The following MGA variants were observed in gnomAD, a reference collection of about 807,000 sequenced individuals.
MGA encodes the protein MAX gene-associated protein.
In MGA, 40 loss-of-function variants were observed where a neutral mutation model predicts 261.1. The ratio of observed to expected loss-of-function variants is 0.15; its 90% CI spans 0.12 to 0.20. The LOEUF (loss-of-function observed/expected upper bound fraction) is 0.20. Among genes scored for constraint, MGA ranks in the 10% least tolerant of loss-of-function variants. MGA has a pLI of 1.00. For synonymous variants in MGA, 1,302 were observed against 1,290.6 expected, an observed-to-expected ratio of 1.01 and a Z score of -0.19; for missense variants, 3,397 against 3,630.5, an observed-to-expected ratio of 0.94 and a Z score of 1.65.
upstream of MGA, among the ~76,000 whole-genome samples, chr15:41,655,741 A>G (rs1405909725): frequency 1.3e-5 from 2 of 152,198 alleles, no homozygotes; most frequent in East Asian, 1.9e-4. Context: ...ACATTTATCT[A>G]TTCCCCTAAA....
At chr15:41,762,581 C>G (rs963927909) in intron 22 of MGA, among the ~76,000 whole-genome samples, 1 of 141,858 alleles carries the variant, frequency 7.0e-6, no homozygotes, top group African/African-American at 2.6e-5. Context: ...CGATTATCTG[C>G]TTCAGCCTCC....
chr15:41,700,860 T>A (rs1378637288), intron 5 of MGA, among the ~76,000 whole-genome samples: 1 of 152,114 alleles, frequency 6.6e-6, no homozygotes, highest in East Asian at 1.9e-4. Flanking sequence ...CTATTTACAC[T>A]ATAAGTAGTT....
chr15:41,675,375 CCTTT>C (rs1365333582), intron 2 of MGA, among the ~76,000 whole-genome samples: 1 of 150,992 alleles, frequency 6.6e-6, no homozygotes, highest in Non-Finnish European at 1.5e-5. Flanking sequence ...TTTTTTTTCC[CCTTT>C]CTTTTTTTTT....
In MGA at chr15:41,653,712, T is replaced by A. The variant is rs1404567783; in HGVS notation, c.-67-15116T>A. On this transcript the variant is annotated intron_variant, in intron 1 of 8. Transcript: ENST00000566718. ...GGGAGACAGAGTGAGACCCCATCTC[T>A]TAAAAAAAAAAAAAAAGAAAAAAAA... 5.0e-4 allele frequency among the ~76,000 whole-genome samples: 74 copies of A among 148,120 alleles called. 1 individual carries two copies. The highest frequency in any genetic ancestry group is 1.3e-4 in the Non-Finnish European group (9 of 67,198).
intron 2 of MGA, 109 bp from the exon 3 acceptor site, chr15:41,695,966 A>T: frequency 1.2e-6 from 1 of 820,060 alleles, no homozygotes; most frequent in Non-Finnish European, 1.9e-6. Context: ...TGGCTCAGGA[A>T]ATCTGATGTG....
Position 41,762,461 on chromosome 15 carries a change from GTTTTTTTTTTT to G in MGA, c.7744+119_7744+129del, listed in dbSNP as rs34069193. 2.4e-3 allele frequency: 336 copies of G among 138,424 alleles called. 1 individual carries two copies. The highest frequency in any genetic ancestry group is 9.5e-3 in the East Asian group (26 of 2,746). The allele number at this position is 138,424 out of a possible 1,614,324, so 8.6% of individuals were successfully genotyped here. On this transcript the variant is annotated intron_variant, in intron 22 of 23. Coordinates refer to ENST00000219905, the MANE Select transcript of MGA (RefSeq NM_001164273.2). ...TTGTCCACATTTTTAGTTTTGTGTG[GTTTTTTTTTTT>G]TTTTTTTTTTTTTTTTTTTGGAGAC...
chr15:41,749,610 A>G lies in MGA; in HGVS notation c.6003A>G (p.Val2001=). Residue 2001 remains valine, a synonymous_variant, in exon 17 of 24, where the codon GTA becomes GTG. Coordinates refer to ENST00000219905, the MANE Select transcript of MGA (RefSeq NM_001164273.2). ...TTCTACAGTCAGAAGGAGAGGCTGT[A>G]GACCCTGAGGCTAATGTAATAAAAC... The G allele has an allele frequency of 6.2e-7, 1 of 1,613,574 alleles. No homozygotes were observed. The highest frequency in any genetic ancestry group is 8.5e-7 in the Non-Finnish European group (1 of 1,179,572).
intron 9 of MGA, among the ~76,000 whole-genome samples, chr15:41,714,109 G>A (rs1242401269): frequency 1.3e-5 from 2 of 152,038 alleles, no homozygotes; most frequent in African/African-American, 2.4e-5. Context: ...TGATTTTACC[G>A]TATAATTGAA....
intron 2 of MGA, among the ~76,000 whole-genome samples, chr15:41,693,191 G>A (rs2059380917): frequency 6.6e-6 from 1 of 151,816 alleles, no homozygotes; most frequent in African/African-American, 2.4e-5. Flanking sequence ...AAGTTTTAGG[G>A]TACATGTGCA....
intron 1 of MGA, among the ~76,000 whole-genome samples, chr15:41,643,555 A>T (rs565750041): frequency 1.3e-5 from 2 of 152,020 alleles, no homozygotes; most frequent in African/African-American, 2.4e-5. Context: ...TCCCATTTTT[A>T]AAGTGATTTT....
Position 41,750,057 on chromosome 15 carries a change from G to A in MGA, c.6450G>A (p.Gln2150=). 6.2e-7 allele frequency: 1 copy of A among 1,613,326 alleles called. No homozygotes were observed. The highest frequency in any genetic ancestry group is 8.5e-7 in the Non-Finnish European group (1 of 1,179,654). Residue 2150 remains glutamine (Q), a synonymous_variant, in exon 17 of 24, where the codon CAG becomes CAA. Transcript: ENST00000219905. ...TGTCAGGAAGCAAAGTTATGGAGCAGCAATCTAATCTACAGCCAGAGGCCA... is the reference window on the plus strand; with the variant it reads ...TGTCAGGAAGCAAAGTTATGGAGCAACAATCTAATCTACAGCCAGAGGCCA...
intron 17 of MGA, 142 bp from the exon 18 acceptor site, chr15:41,754,295 T>C: frequency 1.5e-6 from 1 of 668,016 alleles, no homozygotes; most frequent in Non-Finnish European, 2.4e-6. Context: ...TTATTATGAC[T>C]AACAATCTTA....
At position 41,736,326 on chromosome 15, in the gene MGA, C is replaced by G; in HGVS notation, c.4062C>G (p.Ile1354Met). 1.2e-6 allele frequency: 2 copies of G among 1,614,002 alleles called. No individual in the cohort carries two copies. The highest frequency in any genetic ancestry group is 1.7e-6 in the Non-Finnish European group (2 of 1,179,896). Residue 1354 changes from isoleucine (I) to methionine (M), a missense_variant, in exon 13 of 24, where the codon ATC (isoleucine) becomes ATG (methionine). Around this residue, in one of 9 missense-constraint regions of MGA, gnomAD observed 1,410 missense variants for 1,386.4 expected, o/e 1.02. Coordinates refer to ENST00000219905, the MANE Select transcript of MGA (RefSeq NM_001164273.2). ...AAGATCGGAACAAGATTTTGAGCATCTTATCCCAGCACATCAATAGCAACA... is the reference window on the plus strand; with the variant it reads ...AAGATCGGAACAAGATTTTGAGCATGTTATCCCAGCACATCAATAGCAACA...
At chr15:41,639,648 C>A (rs1298528231) in intron 1 of MGA, among the ~76,000 whole-genome samples, 2 of 151,970 alleles carry the variant, frequency 1.3e-5, no homozygotes, top group African/African-American at 4.8e-5. Flanking sequence ...AGGTTCACAC[C>A]ATTCCCCTGC....
At chr15:41,681,020 G>A (rs1410298134) in intron 2 of MGA, among the ~76,000 whole-genome samples, 3 of 152,122 alleles carry the variant, frequency 2.0e-5, no homozygotes, top group Non-Finnish European at 4.4e-5. Flanking sequence ...GAGCCAGTGG[G>A]TTCATGAATG....
At chr15:41,686,893 ATTTTTGCACCAAATTCATGTGGGATAT>A (rs1283908832) in intron 2 of MGA, among the ~76,000 whole-genome samples, 1 of 152,066 alleles carries the variant, frequency 6.6e-6, no homozygotes, top group Non-Finnish European at 1.5e-5. Flanking sequence ...TTTATTGAGG[ATTTTTGCACCAAATTCATGTGGGATAT>A]TTGTTTATAG....
In MGA at chr15:41,713,769, G is replaced by A. The variant is rs1595834438; in HGVS notation, c.3430+273G>A. On this transcript the variant is annotated intron_variant, in intron 9 of 23. Transcript: ENST00000219905. ...TTTCTAGAATGCCCTTGATCTTTGA[G>A]TTTCTTCCATTTTCTGGATTGTGCG... is the stretch of plus-strand genomic sequence containing the variant. 2.6e-5 allele frequency among the ~76,000 whole-genome samples: 4 copies of A among 152,226 alleles called. No homozygotes were observed. In the South Asian group the frequency reaches 8.3e-4, roughly 32 times the overall value.
At chr15:41,684,657 C>A in intron 2 of MGA, 2 of 179,994 alleles carry the variant, frequency 1.1e-5, no homozygotes, top group Admixed American at 5.8e-5. Flanking sequence ...ATGTTGTGTG[C>A]TAAATGAAAA....
chr15:41,726,744 A>T (rs1379667232), intron 9 of MGA, among the ~76,000 whole-genome samples: 2 of 144,890 alleles, frequency 1.4e-5, no homozygotes, highest in African/African-American at 5.0e-5. Flanking sequence ...AAAAAAAAAA[A>T]ATTTTTTTTC....
Sources: gnomAD v4.1 joint callset for allele counts (sites outside exome capture counted in the v4.1 genomes callset) on GRCh38, gnomAD v4.1.1 for gene constraint, gnomAD v4.1.1 regional missense constraint, MANE v1.5 for transcripts, NCBI Gene and HGNC (gene_info 2026-07-23, HGNC 2026-07-21) for gene names.